The following KCNH7 variants were observed in gnomAD, a reference collection of about 807,000 sequenced individuals.
KCNH7 encodes potassium voltage-gated channel subfamily H member 7, also known as voltage-gated inwardly rectifying potassium channel KCNH7.
Under a neutral mutation model 120.8 loss-of-function variants are expected in KCNH7, and 49 were observed. The ratio of observed to expected loss-of-function variants is 0.41; its 90% CI spans 0.32 to 0.51. The LOEUF (loss-of-function observed/expected upper bound fraction) is 0.51. KCNH7 is among the 20% of genes least tolerant of loss of function. The pLI is 0.38. For synonymous variants in KCNH7, 547 were observed against 516.1 expected (o/e 1.06, Z -0.81); for missense variants, 1,097 against 1,446.6 (o/e 0.76, Z 3.92).
chr2:162,744,665 C>T (rs933042838), intron 2 of KCNH7, among the ~76,000 whole-genome samples: 16 of 150,376 alleles, frequency 1.1e-4, no homozygotes, highest in Non-Finnish European at 2.1e-4. Flanking sequence ...CTTCGCCTCT[C>T]GGGTTCACGC....
intron 2 of KCNH7, among the ~76,000 whole-genome samples, chr2:162,738,752 T>A (rs1688009088): frequency 6.6e-6 from 1 of 152,242 alleles, no homozygotes; most frequent in Non-Finnish European, 1.5e-5. Flanking sequence ...TCATCTGGGC[T>A]CCTTGGAGGA....
At chr2:162,747,689 G>A (rs1688360694) in intron 2 of KCNH7, among the ~76,000 whole-genome samples, 1 of 152,092 alleles carries the variant, frequency 6.6e-6, no homozygotes, top group Non-Finnish European at 1.5e-5. Context: ...GTAAAATGGA[G>A]CACACTGCGA....
At chr2:162,799,145 G>A (rs1389604644) in intron 2 of KCNH7, among the ~76,000 whole-genome samples, 1 of 151,838 alleles carries the variant, frequency 6.6e-6, no homozygotes, top group African/African-American at 2.4e-5. Flanking sequence ...TAAGTAGTAG[G>A]CAAAGCTTTG....
intron 2 of KCNH7, chr2:162,796,136 A>G (rs1444847256): frequency 6.6e-6 from 1 of 152,094 alleles, no homozygotes; most frequent in East Asian, 1.9e-4. Flanking sequence ...AAGAAACAGC[A>G]TGGAAACTGG....
At chr2:162,396,696 T>G (rs766187379) in intron 11 of KCNH7, 44 bp downstream of exon 11, 30 of 1,392,130 alleles carry the variant, frequency 2.2e-5, no homozygotes, top group Non-Finnish European at 2.9e-5. Flanking sequence ...AAGAATAAAA[T>G]AAAATGTCAG....
chr2:162,458,099 A>G (rs73018994), intron 6 of KCNH7, among the ~76,000 whole-genome samples: 31,520 of 145,824 alleles, frequency 0.22, 7,254 homozygotes, highest in African/African-American at 0.58. Context: ...ATATTTGGCT[A>G]TGTGCGTGTG....
At position 162,785,761 on chromosome 2, in the gene KCNH7, C is replaced by T. The variant is rs578045302; in HGVS notation, c.307+50776G>A. On this transcript the variant is annotated intron_variant, in intron 2 of 15. Transcript: ENST00000332142. ...TTTTGTTTTGTTTTTGTTGTTGTTG[C>T]TTGTTGGCTGTTTTGACTGTGTGGT... Among the ~76,000 whole-genome samples the T allele has an allele frequency of 5.3e-5, 8 of 152,020 alleles. No homozygotes were observed. In the South Asian group the frequency reaches 1.7e-3, roughly 32 times the overall value.
At chr2:162,744,285 G>C (rs1197863590) in intron 2 of KCNH7, among the ~76,000 whole-genome samples, 1 of 152,130 alleles carries the variant, frequency 6.6e-6, no homozygotes, top group Non-Finnish European at 1.5e-5. Context: ...AGGAGAACTT[G>C]ATAGCATTTT....
intron 2 of KCNH7, among the ~76,000 whole-genome samples, chr2:162,617,979 A>C (rs1429952604): frequency 6.6e-6 from 1 of 152,034 alleles, no homozygotes; most frequent in African/African-American, 2.4e-5. Context: ...TAAACTTAAA[A>C]TTTAGGGAGC....
intron 2 of KCNH7, among the ~76,000 whole-genome samples, chr2:162,724,649 G>A (rs1357458324): frequency 7.0e-6 from 1 of 142,262 alleles, no homozygotes; most frequent in Non-Finnish European, 1.5e-5. Flanking sequence ...TCCAGCCTGG[G>A]CGACAGAGCG....
chr2:162,589,935 T>C (rs572953750), intron 2 of KCNH7, among the ~76,000 whole-genome samples: 14 of 152,120 alleles, frequency 9.2e-5, no homozygotes, highest in Admixed American at 5.2e-4. Flanking sequence ...TATATTAAGG[T>C]AAGAACCGAC....
intron 2 of KCNH7, among the ~76,000 whole-genome samples, chr2:162,629,189 G>C (rs1385858): frequency 0.53 from 80,256 of 151,926 alleles, 22,279 homozygotes; most frequent in East Asian, 0.69. Flanking sequence ...ATGTATGGCC[G>C]TGGTGAGTGG....
chr2:162,504,284 G>A (rs1365451901), intron 6 of KCNH7, among the ~76,000 whole-genome samples, 159 bp downstream of exon 6: 1 of 151,860 alleles, frequency 6.6e-6, no homozygotes, highest in Non-Finnish European at 1.5e-5. Context: ...TTATTAATCT[G>A]TTATATTAGA....
At chr2:162,597,765 A>G (rs573306877) in intron 2 of KCNH7, among the ~76,000 whole-genome samples, 52 of 152,246 alleles carry the variant, frequency 3.4e-4, no homozygotes, top group African/African-American at 1.3e-3. Flanking sequence ...TGATTTTCTC[A>G]TTCCACAATG....
intron 2 of KCNH7, among the ~76,000 whole-genome samples, chr2:162,618,504 A>C (rs1328576427): frequency 6.6e-6 from 1 of 152,134 alleles, no homozygotes; most frequent in East Asian, 1.9e-4. Flanking sequence ...CACTAGTTTA[A>C]AAAAAACCCC....
intron 2 of KCNH7, among the ~76,000 whole-genome samples, chr2:162,781,578 G>A (rs1683488561): frequency 6.6e-6 from 1 of 152,040 alleles, no homozygotes; most frequent in South Asian, 2.1e-4. Flanking sequence ...GTAGTAACAG[G>A]GGAGACAGCA....
At chr2:162,402,887 G>C (rs1687105534) in intron 9 of KCNH7, among the ~76,000 whole-genome samples, 1 of 151,838 alleles carries the variant, frequency 6.6e-6, no homozygotes, top group South Asian at 2.1e-4. Context: ...AGATAGAGAT[G>C]AGATTCTCCA....
Position 162,838,603 on chromosome 2 carries a change from C to T in KCNH7, c.-85G>A. On this transcript the variant is annotated 5_prime_UTR_variant, in exon 1 of 16. Transcript: ENST00000332142. ...TCCTCGGCTAGAGCCCAGGCCAGCG[C>T]GCGAGCCGCTCTTTGTGGCAGAGCA... 1.9e-6 allele frequency: 2 copies of T among 1,052,844 alleles called. No homozygotes were observed. Among genetic ancestry groups the T allele is most frequent in the South Asian group, 2.9e-5 (2 of 69,188 alleles). 65.2% of individuals were successfully genotyped at this position (1,052,844 alleles called of 1,614,324 possible).
At chr2:162,759,698 A>C (rs1477595257) in intron 2 of KCNH7, among the ~76,000 whole-genome samples, 5 of 152,022 alleles carry the variant, frequency 3.3e-5, no homozygotes, top group African/African-American at 4.8e-5. Context: ...GGCAGGAAGG[A>C]AGGAAGGAAA....
Sources: allele counts gnomAD v4.1 joint callset (sites outside exome capture counted in the v4.1 genomes callset), GRCh38; gene constraint gnomAD v4.1.1; transcripts MANE v1.5; gene names NCBI Gene and HGNC (gene_info 2026-07-23, HGNC 2026-07-21).